Variants in PRDM1 observed in about 807,000 individuals in gnomAD.
PRDM1 encodes PR domain zinc finger protein 1.
In PRDM1, 13 loss-of-function variants were observed where a neutral mutation model predicts 62.8. The observed-to-expected ratio is 0.21, with a 90% CI of 0.13 to 0.33. PRDM1 has a LOEUF of 0.33. Among genes scored for constraint, PRDM1 ranks in the 10% least tolerant of loss-of-function variants. The probability of loss-of-function intolerance (pLI) is 1.00; values close to 1 mark genes in which losing one functional copy is unlikely to be tolerated. For missense variants in PRDM1, 895 were observed against 1,058.8 expected, an observed-to-expected ratio of 0.85 and a Z score of 2.15; for synonymous variants, 396 against 417.6, an observed-to-expected ratio of 0.95 and a Z score of 0.63.
chr6:106,083,391 G>T (rs6924807), upstream of PRDM1, among the ~76,000 whole-genome samples: 3 of 151,866 alleles, frequency 2.0e-5, no homozygotes, highest in Non-Finnish European at 4.4e-5. Flanking sequence ...GGAAAAAAAA[G>T]TTCCTTTCGA....
chr6:106,028,750 C>T (rs1772798330), intron 1 of PRDM1, among the ~76,000 whole-genome samples: 1 of 152,068 alleles, frequency 6.6e-6, no homozygotes, highest in Admixed American at 6.5e-5. Context: ...TAGCAACCCC[C>T]ACCCCCGAAG....
intron 1 of PRDM1, among the ~76,000 whole-genome samples, chr6:105,999,262 T>G (rs1041118837): frequency 6.6e-6 from 1 of 151,922 alleles, no homozygotes; most frequent in Non-Finnish European, 1.5e-5. Flanking sequence ...TCATAAAATT[T>G]AGAAAACAGG....
chr6:106,016,975 C>A (rs538503887), intron 1 of PRDM1, among the ~76,000 whole-genome samples: 2 of 152,006 alleles, frequency 1.3e-5, no homozygotes, highest in Non-Finnish European at 2.9e-5. Context: ...TCAAGAAATA[C>A]GTTGGAAATT....
chr6:106,107,273 G>A lies in PRDM1; in HGVS notation c.2265G>A (p.Val755=). 1 of 1,614,172 alleles carries A rather than the reference G, an allele frequency of 6.2e-7. No homozygotes were observed. The highest frequency in any genetic ancestry group is 1.1e-5 in the South Asian group (1 of 91,074). The change falls in exon 7 of 7, where the codon GTG becomes GTA. Residue 755 remains valine, a synonymous_variant. Coordinates refer to ENST00000369096, the MANE Select transcript of PRDM1 (RefSeq NM_001198.4). ...VEDDISVISV[V]EKEILAVVRK... ...ATGACATCAGTGTGATCTCTGTAGT[G>A]GAGAAGGAAATTCTGGCCGTGGTCA...
intron 4 of PRDM1, among the ~76,000 whole-genome samples, chr6:106,104,563 T>C (rs1774386613): frequency 6.6e-6 from 1 of 152,240 alleles, no homozygotes; most frequent in Non-Finnish European, 1.5e-5. Flanking sequence ...AGGTCTGTAC[T>C]AATGAAAACA....
chr6:106,040,005 C>CA (rs1772970782), intron 1 of PRDM1, among the ~76,000 whole-genome samples: 1 of 152,228 alleles, frequency 6.6e-6, no homozygotes, highest in Non-Finnish European at 1.5e-5. Context: ...AATACCCACA[C>CA]CTCTCTTGAA....
intron 1 of PRDM1, among the ~76,000 whole-genome samples, chr6:106,001,614 T>C (rs1224649524): frequency 6.6e-6 from 1 of 152,184 alleles, no homozygotes; most frequent in Non-Finnish European, 1.5e-5. Flanking sequence ...CCTTGCACTT[T>C]TAAAATGCCA....
chr6:106,039,678 T>A (rs1772966162), intron 1 of PRDM1, among the ~76,000 whole-genome samples: 1 of 152,214 alleles, frequency 6.6e-6, no homozygotes, highest in African/African-American at 2.4e-5. Flanking sequence ...TTCAAGTGTA[T>A]AATTTTACCC....
At chr6:106,036,788 C>G (rs1004367578) in intron 1 of PRDM1, among the ~76,000 whole-genome samples, 5 of 152,068 alleles carry the variant, frequency 3.3e-5, no homozygotes, top group Non-Finnish European at 7.4e-5. Flanking sequence ...GGTGAAACCC[C>G]TTCTCTACTA....
upstream of PRDM1, among the ~76,000 whole-genome samples, chr6:106,086,031 C>T (rs1412638386): frequency 6.6e-6 from 1 of 151,986 alleles, no homozygotes; most frequent in African/African-American, 2.4e-5. Context: ...TTTTAAGTTT[C>T]CTTAATTTAA....
intron 1 of PRDM1, among the ~76,000 whole-genome samples, chr6:106,021,714 G>C (rs938287623): frequency 5.3e-5 from 8 of 152,146 alleles, no homozygotes; most frequent in Admixed American, 4.6e-4. Context: ...TCTGCCTCCC[G>C]GGTTCAATCG....
At chr6:106,063,135 C>CT (rs1021871988) in intron 1 of PRDM1, among the ~76,000 whole-genome samples, 24 of 152,188 alleles carry the variant, frequency 1.6e-4, no homozygotes, top group Non-Finnish European at 3.4e-4. Flanking sequence ...TCAATGTAAA[C>CT]TAACTCAACA....
In PRDM1 at chr6:106,029,616, T is replaced by C. The variant is rs1488016044; in HGVS notation, c.-67+35977T>C. On this transcript the variant is annotated intron_variant, in intron 1 of 6. Transcript: ENST00000652320. ...TCAACTTTTTGGTTTTTTTCTTTTA[T>C]TTTTTTTTGTGACAGGGCCTCACTC... is the stretch of plus-strand genomic sequence containing the variant. Among the ~76,000 whole-genome samples the C allele has an allele frequency of 2.0e-5, 3 of 151,104 alleles. No individual in the cohort carries two copies. The East Asian group carries it at 5.8e-4, about 29-fold the overall frequency.
At chr6:106,095,803 C>G (rs1163638083) in intron 3 of PRDM1, 69 bp downstream of exon 3, 1 of 1,529,146 alleles carries the variant, frequency 6.5e-7, no homozygotes, top group African/African-American at 1.4e-5. Context: ...AGCTGGGTGG[C>G]TCACCTTTCT....
At chr6:106,039,735 A>G (rs574342506) in intron 1 of PRDM1, among the ~76,000 whole-genome samples, 1 of 152,360 alleles carries the variant, frequency 6.6e-6, no homozygotes, top group East Asian at 1.9e-4. Context: ...TTAAAAGTTA[A>G]AATAAGCTAG....
At chr6:106,025,089 A>G (rs1010261552) in intron 1 of PRDM1, among the ~76,000 whole-genome samples, 1 of 152,260 alleles carries the variant, frequency 6.6e-6, no homozygotes, top group East Asian at 1.9e-4. Flanking sequence ...TGCTGTATAG[A>G]GGTGAGGCTT....
chr6:105,998,886 AATACAT>A (rs1361741956), intron 1 of PRDM1, among the ~76,000 whole-genome samples: 1 of 130,118 alleles, frequency 7.7e-6, no homozygotes, highest in East Asian at 2.2e-4. Flanking sequence ...TTTAAAAGTT[AATACAT>A]ATATATATAT....
At chr6:106,041,692 C>T (rs541696444) in intron 1 of PRDM1, among the ~76,000 whole-genome samples, 10 of 152,078 alleles carry the variant, frequency 6.6e-5, no homozygotes, top group African/African-American at 2.4e-4. Flanking sequence ...AAAGTTTGAC[C>T]GTATAATAAT....
At chr6:106,085,182 G>C (rs185071689), upstream of PRDM1, among the ~76,000 whole-genome samples, 4 of 152,040 alleles carry the variant, frequency 2.6e-5, no homozygotes, top group African/African-American at 9.7e-5. Context: ...TTGGAACTGG[G>C]TGTGTGTATG....
Sources: gnomAD v4.1 joint callset for allele counts (sites outside exome capture counted in the v4.1 genomes callset) on GRCh38, gnomAD v4.1.1 for gene constraint, MANE v1.5 for transcripts, NCBI Gene and HGNC (gene_info 2026-07-23, HGNC 2026-07-21) for gene names.